Variants in TSGA10 observed in about 807,000 individuals in gnomAD.
TSGA10 encodes the protein testis specific 10.
TSGA10 carries 43 observed loss-of-function variants against 96.6 expected under a neutral mutation model. The observed-to-expected ratio is 0.44, with a 90% confidence interval of 0.35 to 0.57. TSGA10 has a LOEUF of 0.57. TSGA10 is among the 20% of genes least tolerant of loss of function. TSGA10 has a pLI of 0.01. For missense variants in TSGA10, 703 were observed against 834.4 expected, an observed-to-expected ratio of 0.84 and a Z score of 1.94; for synonymous variants, 229 against 269.9, an observed-to-expected ratio of 0.85 and a Z score of 1.48.
At chr2:99,118,508 A>C in intron 3 of TSGA10, 43 bp downstream of exon 3, 1 of 839,210 alleles carries the variant, frequency 1.2e-6, no homozygotes, top group Non-Finnish European at 1.4e-6. Context: ...TATGTGTATT[A>C]TTAACTTTTT....
At chr2:99,046,294 T>C (rs1366181985) in intron 16 of TSGA10, among the ~76,000 whole-genome samples, 3 of 152,114 alleles carry the variant, frequency 2.0e-5, no homozygotes, top group Non-Finnish European at 4.4e-5. Context: ...CACACCACAC[T>C]TATTCCAAAA....
At chr2:99,121,034 A>G (rs375471944) in intron 2 of TSGA10, among the ~76,000 whole-genome samples, 51 of 152,356 alleles carry the variant, frequency 3.3e-4, no homozygotes, top group African/African-American at 1.2e-3. Flanking sequence ...ATAATATTCC[A>G]TGGTATGGAA....
intron 16 of TSGA10, among the ~76,000 whole-genome samples, chr2:99,050,357 C>T (rs961330969): frequency 6.6e-6 from 1 of 152,036 alleles, no homozygotes; most frequent in Admixed American, 6.6e-5. Flanking sequence ...AGGAAATGCT[C>T]GTTAAAACAT....
chr2:99,060,835 T>C (rs561451588), intron 16 of TSGA10, among the ~76,000 whole-genome samples: 2 of 152,278 alleles, frequency 1.3e-5, no homozygotes, highest in South Asian at 2.1e-4. Flanking sequence ...ATGAAATAAG[T>C]CTTTTCAATA....
chr2:99,065,863 A>G lies in TSGA10; in HGVS notation c.1219-739T>C, dbSNP rs149401790. ...ATTCTATCATGAGCAGAGTAACTGA[A>G]GTAGGGTCTGATTTCTAGTAGGGAA... On this transcript the variant is annotated intron_variant, in intron 15 of 20. Coordinates refer to ENST00000393483, the MANE Select transcript of TSGA10 (RefSeq NM_025244.4). Among the ~76,000 whole-genome samples the G allele has an allele frequency of 3.3e-4, 51 of 152,338 alleles. 1 individual carries two copies. The East Asian group carries it at 8.7e-3, about 26-fold the overall frequency.
chr2:99,005,940 C>T (rs919646556), intron 20 of TSGA10, among the ~76,000 whole-genome samples: 11 of 152,246 alleles, frequency 7.2e-5, no homozygotes, highest in African/African-American at 2.6e-4. Context: ...GGTACCAAAA[C>T]AGAGATATAG....
intron 14 of TSGA10, 130 bp from the exon 15 acceptor site, chr2:99,069,128 A>C (rs1172110352): frequency 2.3e-6 from 1 of 430,158 alleles, no homozygotes; most frequent in African/African-American, 2.1e-5. Context: ...AACTCATATA[A>C]AAAAAGAAAA....
At position 99,133,633 on chromosome 2, in the gene TSGA10, G is replaced by A. The variant is rs149788785; in HGVS notation, c.-620-6457C>T. ...TTGAATTTGATCCTGTCATTATGAT[G>A]CCAGCTGGTTATTTTGCCCATTAGT... On this transcript the variant is annotated intron_variant, in intron 1 of 20. Transcript: ENST00000393483. 5.8e-3 allele frequency among the ~76,000 whole-genome samples: 884 copies of A among 152,290 alleles called. 10 individuals carry two copies. The highest frequency in any genetic ancestry group is 0.02 in the African/African-American group (847 of 41,548).
At chr2:99,127,559 A>C (rs1216898012) in intron 1 of TSGA10, among the ~76,000 whole-genome samples, 1 of 152,238 alleles carries the variant, frequency 6.6e-6, no homozygotes, top group Admixed American at 6.5e-5. Context: ...TATCACAAAG[A>C]GTGAATTTCC....
chr2:99,073,641 G>A (rs1183313057), intron 12 of TSGA10, among the ~76,000 whole-genome samples: 1 of 152,152 alleles, frequency 6.6e-6, no homozygotes, highest in Non-Finnish European at 1.5e-5. Flanking sequence ...CTAATAAGAA[G>A]GTAAGCATTA....
intron 20 of TSGA10, among the ~76,000 whole-genome samples, chr2:99,004,648 A>C (rs1454304379): frequency 6.6e-6 from 1 of 151,180 alleles, no homozygotes; most frequent in African/African-American, 2.4e-5. Context: ...TGGCAATAAT[A>C]AATAGCTTAC....
intron 16 of TSGA10, among the ~76,000 whole-genome samples, chr2:99,044,028 G>C (rs1049883061): frequency 7.9e-5 from 12 of 152,168 alleles, no homozygotes; most frequent in Admixed American, 7.9e-4. Flanking sequence ...CTCTGAAAAA[G>C]CACTAAAATT....
chr2:99,011,553 T>C (rs1464708205), intron 20 of TSGA10, among the ~76,000 whole-genome samples: 1 of 152,092 alleles, frequency 6.6e-6, no homozygotes, highest in Non-Finnish European at 1.5e-5. Flanking sequence ...TAACTAGTGT[T>C]CCTGAGGAAG....
intron 14 of TSGA10, 64 bp from the exon 15 acceptor site, chr2:99,069,062 C>T: frequency 1.3e-6 from 1 of 757,380 alleles, no homozygotes; most frequent in Non-Finnish European, 2.0e-6. Flanking sequence ...CTCAAAAATA[C>T]CATAAACAAA....
At chr2:99,062,850 T>C (rs1332519782) in intron 16 of TSGA10, among the ~76,000 whole-genome samples, 1 of 152,216 alleles carries the variant, frequency 6.6e-6, no homozygotes, top group Non-Finnish European at 1.5e-5. Context: ...TGCAGGTGGC[T>C]GCACCCAAAA....
At chr2:99,020,696 C>A (rs988847989) in intron 17 of TSGA10, among the ~76,000 whole-genome samples, 2 of 152,008 alleles carry the variant, frequency 1.3e-5, no homozygotes, top group Non-Finnish European at 2.9e-5. Context: ...TCAGAAAATT[C>A]ATTAATTTAA....
intron 15 of TSGA10, 43 bp from the exon 16 acceptor site, chr2:99,065,167 A>G (rs1199598543): frequency 7.0e-6 from 11 of 1,576,886 alleles, no homozygotes; most frequent in Non-Finnish European, 9.5e-6. Context: ...TGCTGAACAT[A>G]TGATAAAAAT....
At chr2:99,041,773 C>T (rs1189255617) in intron 16 of TSGA10, among the ~76,000 whole-genome samples, 1 of 152,128 alleles carries the variant, frequency 6.6e-6, no homozygotes, top group Non-Finnish European at 1.5e-5. Flanking sequence ...TAGGCAAACC[C>T]TTCATTACCA....
intron 20 of TSGA10, among the ~76,000 whole-genome samples, chr2:99,011,414 T>G (rs1198214369): frequency 9.9e-5 from 15 of 152,068 alleles, no homozygotes; most frequent in Non-Finnish European, 1.5e-5. Flanking sequence ...TTACAGGCAT[T>G]AGCCACCATG....
Sources: allele counts gnomAD v4.1 joint callset (sites outside exome capture counted in the v4.1 genomes callset), GRCh38; gene constraint gnomAD v4.1.1; transcripts MANE v1.5; gene names NCBI Gene and HGNC (gene_info 2026-07-23, HGNC 2026-07-21).